The following TRPC4 variants were observed in gnomAD, a reference collection of about 807,000 sequenced individuals.
TRPC4 encodes the protein transient receptor potential cation channel subfamily C member 4.
TRPC4 carries 49 observed loss-of-function variants against 99.4 expected under a neutral mutation model. The ratio of observed to expected loss-of-function variants is 0.49; its 90% confidence interval spans 0.39 to 0.63. The LOEUF (loss-of-function observed/expected upper bound fraction) is 0.63, where lower values mean the gene tolerates loss of function less well. Ranked by LOEUF, TRPC4 falls within the 20% of genes least tolerant of loss-of-function variation. The pLI is 0.00. For synonymous variants in TRPC4, 454 were observed against 425.9 expected, an observed-to-expected ratio of 1.07 and a Z score of -0.81; for missense variants, 898 against 1,152.9, an observed-to-expected ratio of 0.78 and a Z score of 3.20.
At chr13:37,740,177 A>C (rs1377344318) in intron 3 of TRPC4, among the ~76,000 whole-genome samples, 2 of 152,160 alleles carry the variant, frequency 1.3e-5, no homozygotes, top group Non-Finnish European at 2.9e-5. Context: ...AAAGATGGGT[A>C]GGGTACAACC....
At chr13:37,705,690 T>C (rs1954251716) in intron 3 of TRPC4, among the ~76,000 whole-genome samples, 2 of 152,154 alleles carry the variant, frequency 1.3e-5, no homozygotes, top group East Asian at 1.9e-4. Context: ...TCTGCTGAGA[T>C]GGTAGGCCTT....
rs1958141366 is a variant in TRPC4, at chr13:37,824,614, G to C, written c.-27-41254C>G. Reference sequence around the variant, plus strand: ...ATATTGAACCAGCCTTGCATCCCAGGGATGAAGCCCACTTGACCATGGTGG... The same window carrying C: ...ATATTGAACCAGCCTTGCATCCCAGCGATGAAGCCCACTTGACCATGGTGG... On this transcript the variant is annotated intron_variant, in intron 1 of 10. Transcript: ENST00000379705. 2.6e-5 allele frequency among the ~76,000 whole-genome samples: 4 copies of C among 152,122 alleles called. No homozygotes were observed. In the South Asian group the frequency reaches 8.3e-4, roughly 32 times the overall value.
At chr13:37,818,972 A>G (rs1315613068) in intron 1 of TRPC4, among the ~76,000 whole-genome samples, 1 of 151,888 alleles carries the variant, frequency 6.6e-6, no homozygotes, top group Non-Finnish European at 1.5e-5. Context: ...CATGTGGCCA[A>G]CAAGCATATG....
intron 2 of TRPC4, among the ~76,000 whole-genome samples, chr13:37,776,296 G>A (rs1360432523): frequency 6.6e-6 from 1 of 151,782 alleles, no homozygotes; most frequent in Non-Finnish European, 1.5e-5. Flanking sequence ...CTTAACGGCA[G>A]AATAAGAAAA....
intron 2 of TRPC4, among the ~76,000 whole-genome samples, chr13:37,760,705 GA>G (rs1273588327): frequency 1.3e-5 from 2 of 151,884 alleles, no homozygotes; most frequent in South Asian, 2.1e-4. Context: ...AACATTATGA[GA>G]TTTTTTTGCA....
chr13:37,857,492 G>C (rs760658760), intron 1 of TRPC4, among the ~76,000 whole-genome samples: 38 of 151,446 alleles, frequency 2.5e-4, no homozygotes, highest in Non-Finnish European at 4.9e-4. Context: ...AGAACTGGAG[G>C]AATCATATTA....
intron 10 of TRPC4, among the ~76,000 whole-genome samples, chr13:37,638,309 A>T (rs1286133942): frequency 6.6e-6 from 1 of 152,132 alleles, no homozygotes. Context: ...ATGGCTGTGA[A>T]GAAAATCTGG....
At chr13:37,843,635 G>T (rs975091994) in intron 1 of TRPC4, among the ~76,000 whole-genome samples, 3 of 151,964 alleles carry the variant, frequency 2.0e-5, no homozygotes, top group Non-Finnish European at 2.9e-5. Context: ...TCCTGAGGGT[G>T]TCCAGGTATA....
rs537495929 is a variant in TRPC4 at position 37,799,633 on chromosome 13, G to T, written c.-27-16273C>A. 6.6e-5 allele frequency among the ~76,000 whole-genome samples: 10 copies of T among 152,206 alleles called. No individual in the cohort carries two copies. In the South Asian group the frequency reaches 1.7e-3, roughly 25 times the overall value. On this transcript the variant is annotated intron_variant, in intron 1 of 10. Transcript: ENST00000379705. ...ATTTGTTAAATGGACCATGGTGTTT[G>T]TGTCCTAGAAGACATAAAGCAAATA...
intron 3 of TRPC4, among the ~76,000 whole-genome samples, chr13:37,704,794 A>G (rs61955493): frequency 0.1 from 15,334 of 152,196 alleles, 977 homozygotes; most frequent in East Asian, 0.27. Flanking sequence ...ATTTTGTCTC[A>G]ATATTCCCCC....
chr13:37,757,615 A>G (rs1956128479), intron 2 of TRPC4, among the ~76,000 whole-genome samples: 1 of 151,968 alleles, frequency 6.6e-6, no homozygotes, highest in Non-Finnish European at 1.5e-5. Flanking sequence ...GATGTCCTAG[A>G]GTATCAGGTT....
intron 8 of TRPC4, 28 bp from the exon 9 acceptor site, chr13:37,639,327 G>T: frequency 1.2e-6 from 2 of 1,606,156 alleles, no homozygotes; most frequent in South Asian, 2.2e-5. Context: ...ATTCCTTTCT[G>T]GTTATACTGT....
chr13:37,815,908 C>A (rs1193816846), intron 1 of TRPC4, among the ~76,000 whole-genome samples: 1 of 151,408 alleles, frequency 6.6e-6, no homozygotes, highest in Admixed American at 6.6e-5. Context: ...CAAATCATAC[C>A]AAACACACTC....
intron 1 of TRPC4, among the ~76,000 whole-genome samples, chr13:37,822,862 G>C (rs1215448152): frequency 6.6e-6 from 1 of 151,516 alleles, no homozygotes; most frequent in African/African-American, 2.4e-5. Context: ...TTCCACAATT[G>C]TTGAACTAGT....
intron 7 of TRPC4, among the ~76,000 whole-genome samples, 155 bp downstream of exon 7, chr13:37,654,927 GTGCTAC>G (rs1265699713): frequency 3.3e-5 from 5 of 152,130 alleles, no homozygotes; most frequent in African/African-American, 1.2e-4. Context: ...TACATATAGT[GTGCTAC>G]TGCTCAGAAA....
intron 8 of TRPC4, 76 bp from the exon 9 acceptor site, chr13:37,639,375 C>CGATAATGT: frequency 6.9e-7 from 1 of 1,440,830 alleles, no homozygotes; most frequent in Non-Finnish European, 9.5e-7. Context: ...TTTTTTTAAT[C>CGATAATGT]GATAATGTTT....
intron 3 of TRPC4, among the ~76,000 whole-genome samples, chr13:37,735,309 AG>A (rs1955363048): frequency 6.6e-6 from 1 of 152,150 alleles, no homozygotes; most frequent in African/African-American, 2.4e-5. Flanking sequence ...ATAACGTTTC[AG>A]TTTCATAAAC....
At chr13:37,698,017 T>C (rs1953972358) in intron 3 of TRPC4, among the ~76,000 whole-genome samples, 1 of 151,652 alleles carries the variant, frequency 6.6e-6, no homozygotes, top group Non-Finnish European at 1.5e-5. Context: ...AGCCATACAG[T>C]GGTGGTTCTC....
intron 2 of TRPC4, among the ~76,000 whole-genome samples, chr13:37,752,070 G>A (rs1955944673): frequency 5.6e-5 from 1 of 17,940 alleles, no homozygotes; most frequent in African/African-American, 1.4e-4. Flanking sequence ...TGATAAAGCA[G>A]AAAACTATAT....
Sources: allele counts gnomAD v4.1 joint callset (sites outside exome capture counted in the v4.1 genomes callset), GRCh38; gene constraint gnomAD v4.1.1; transcripts MANE v1.5; gene names NCBI Gene and HGNC (gene_info 2026-07-23, HGNC 2026-07-21).